The following SLC22A14 variants were observed in gnomAD, a reference collection of about 807,000 sequenced individuals.
SLC22A14 encodes solute carrier family 22 member 14, also known as organic cation transporter-like 4.
SLC22A14 carries 50 observed loss-of-function variants against 53.9 expected under a neutral mutation model. That is an observed-to-expected ratio of 0.93 (90% confidence interval 0.74 to 1.17). The LOEUF (loss-of-function observed/expected upper bound fraction) is 1.17. Ranked by LOEUF, SLC22A14 falls within the 50% of genes most tolerant of loss-of-function variation. SLC22A14 has a pLI of 0.00. For synonymous variants in SLC22A14, 312 were observed against 303.0 expected (o/e 1.03, Z -0.31); for missense variants, 671 against 734.7 (o/e 0.91, Z 1.00).
chr3:38,301,628 C>G (rs1704160849), intron 1 of SLC22A14, among the ~76,000 whole-genome samples: 1 of 152,076 alleles, frequency 6.6e-6, no homozygotes, highest in East Asian at 1.9e-4. Flanking sequence ...TCTTTAATTT[C>G]TCTTTCTTAT....
rs535209099 is a variant in SLC22A14, at chr3:38,314,001, C to T, written c.1378+60C>T. 2.1e-3 allele frequency: 3,130 copies of T among 1,462,646 alleles called. 9 individuals carry two copies. The highest frequency in any genetic ancestry group is 2.5e-3 in the Non-Finnish European group (2,591 of 1,050,334). The allele number at this position is 1,462,646 out of a possible 1,614,324, so 90.6% of individuals were successfully genotyped here. ...GCCTTCCTGCTTCCCAAAACCCCTC[C>T]CCAGTGCCGCCTGCCACGGCCGGCC... On this transcript the variant is annotated intron_variant, in intron 8 of 10. Transcript: ENST00000448498.
intron 1 of SLC22A14, among the ~76,000 whole-genome samples, chr3:38,293,273 C>G (rs1306382491): frequency 1.3e-5 from 2 of 152,182 alleles, no homozygotes; most frequent in Non-Finnish European, 2.9e-5. Flanking sequence ...ACACTGGAAG[C>G]AAGCCTTATT....
chr3:38,314,771 C>A (rs1194732576), intron 8 of SLC22A14, among the ~76,000 whole-genome samples: 3 of 151,766 alleles, frequency 2.0e-5, no homozygotes, highest in Admixed American at 2.0e-4. Context: ...AATGTGGAAA[C>A]AAATTCATTA....
At chr3:38,301,129 T>C (rs1704151254) in intron 1 of SLC22A14, among the ~76,000 whole-genome samples, 2 of 152,146 alleles carry the variant, frequency 1.3e-5, no homozygotes, top group African/African-American at 2.4e-5. Context: ...TCAAACACTC[T>C]TAATGGTAGC....
chr3:38,310,457 A>T (rs1300826995), intron 5 of SLC22A14, among the ~76,000 whole-genome samples: 1 of 152,138 alleles, frequency 6.6e-6, no homozygotes, highest in African/African-American at 2.4e-5. Context: ...CTCGCTCAGG[A>T]TAGTGGCCAA....
rs530909940 is a variant in SLC22A14, at chr3:38,301,172, G to A, written c.1-4855G>A. On this transcript the variant is annotated intron_variant, in intron 1 of 10. Transcript: ENST00000448498. ...ACACTCCAAAAGTTCAATTCCAGAA[G>A]CCAGCCAAAGACTAATCACTCAAGC... Among the ~76,000 whole-genome samples, 6 of 152,278 alleles carry A rather than the reference G, an allele frequency of 3.9e-5. No individual in the cohort carries two copies. The East Asian group carries it at 1.2e-3, about 29-fold the overall frequency.
upstream of SLC22A14, among the ~76,000 whole-genome samples, chr3:38,281,334 G>A (rs1229004843): frequency 6.6e-6 from 1 of 151,984 alleles, no homozygotes; most frequent in African/African-American, 2.4e-5. Flanking sequence ...AAGTGTCTGT[G>A]TTAGTCCATT....
At chr3:38,282,081 G>A (rs553296674), upstream of SLC22A14, among the ~76,000 whole-genome samples, 2 of 152,342 alleles carry the variant, frequency 1.3e-5, no homozygotes, top group East Asian at 1.9e-4. Context: ...GAGAATTTCC[G>A]AGAGTGGAGG....
At chr3:38,286,631 G>A (rs922603280) in intron 1 of SLC22A14, among the ~76,000 whole-genome samples, 3 of 151,950 alleles carry the variant, frequency 2.0e-5, no homozygotes, top group South Asian at 2.1e-4. Flanking sequence ...GTCTGGTGTC[G>A]AACTCCTGAC....
In SLC22A14 at chr3:38,306,465, T is replaced by C; in HGVS notation, c.439T>C (p.Phe147Leu). The stretch of plus-strand genomic sequence containing the variant: ...TTGGAATCTGGATTCTATCATCCAG[T>C]TTGGCCTCAATGACACAGACACATG... ...VPWNLDSIIQ[F>L]GLNDTDTCQD... Residue 147 changes from phenylalanine to leucine, a missense_variant, in exon 2 of 11, where the codon TTT becomes CTT. Phe to Leu is a conservative substitution (Grantham distance 22). Transcript: ENST00000448498. 6.2e-7 allele frequency: 1 copy of C among 1,614,166 alleles called. No individual in the cohort carries two copies. The highest frequency in any genetic ancestry group is 8.5e-7 in the Non-Finnish European group (1 of 1,180,002).
At chr3:38,306,840 C>T (rs765561765) in intron 2 of SLC22A14, among the ~76,000 whole-genome samples, 17 of 152,264 alleles carry the variant, frequency 1.1e-4, no homozygotes, top group South Asian at 2.1e-4. Flanking sequence ...AAATAGGGCT[C>T]GGGGAAAGAA....
At chr3:38,304,674 T>C (rs956943176) in intron 1 of SLC22A14, among the ~76,000 whole-genome samples, 1 of 152,154 alleles carries the variant, frequency 6.6e-6, no homozygotes, top group Admixed American at 6.6e-5. Context: ...CTGCTGAGGC[T>C]CTTCATTAGT....
intron 1 of SLC22A14, among the ~76,000 whole-genome samples, chr3:38,293,467 G>A (rs1703957662): frequency 6.6e-6 from 1 of 152,102 alleles, no homozygotes; most frequent in Non-Finnish European, 1.5e-5. Flanking sequence ...TTTGCTCCGG[G>A]CCTAAGGCAG....
At chr3:38,284,691 A>G (rs961767752) in intron 1 of SLC22A14, among the ~76,000 whole-genome samples, 9 of 152,114 alleles carry the variant, frequency 5.9e-5, no homozygotes, top group African/African-American at 2.2e-4. Flanking sequence ...GTGAGAATAC[A>G]TGGAAGAATG....
Position 38,307,818 on chromosome 3 carries a change from T to C in SLC22A14, c.775+98T>C. 16 of 1,356,874 alleles carry C rather than the reference T, an allele frequency of 1.2e-5. No individual in the cohort carries two copies. The highest frequency in any genetic ancestry group is 1.6e-5 in the Non-Finnish European group (16 of 971,972). The allele number at this position is 1,356,874 out of a possible 1,614,324, so 84.1% of individuals were successfully genotyped here. A position where few individuals can be genotyped will look rare whatever the true frequency, so the allele number is the denominator to read the frequency against. On this transcript the variant is annotated intron_variant, in intron 4 of 10. Coordinates refer to ENST00000448498, the MANE Select transcript of SLC22A14 (RefSeq NM_001320033.2). This position sits in a 1 kb window ranked among gnomAD's most constrained non-coding sequence, Gnocchi z 4.4. Reference sequence around the variant, plus strand: ...CATAGTGGCAGGGGGCGTGGCGGCATAGGCAGATGGCAAGGGGGCGTGGTG... The same window carrying C: ...CATAGTGGCAGGGGGCGTGGCGGCACAGGCAGATGGCAAGGGGGCGTGGTG...
chr3:38,279,449 A>G (rs1163011867), upstream of SLC22A14, among the ~76,000 whole-genome samples: 1 of 152,112 alleles, frequency 6.6e-6, no homozygotes, highest in African/African-American at 2.4e-5. Flanking sequence ...AGACTGGCTA[A>G]TTTTTGTATT....
intron 8 of SLC22A14, among the ~76,000 whole-genome samples, chr3:38,314,799 G>T (rs1427625575): frequency 6.6e-6 from 1 of 152,142 alleles, no homozygotes; most frequent in Non-Finnish European, 1.5e-5. Context: ...TTAATTGCCT[G>T]GTGGTTTTTA....
In SLC22A14 at chr3:38,318,339, A is replaced by C; in HGVS notation, c.*90A>C. On this transcript the variant is annotated 3_prime_UTR_variant, in exon 11 of 11. Transcript: ENST00000448498. ...AACCCTGCCTTGAAGCAATTCAATA[A>C]AGAGGAAGCAAACAGCCAGGCTCCC... 7.9e-7 allele frequency: 1 copy of C among 1,262,506 alleles called. No homozygotes were observed. Among genetic ancestry groups the C allele is most frequent in the Non-Finnish European group, 1.2e-6 (1 of 861,568 alleles). 78.2% of individuals were successfully genotyped at this position (1,262,506 alleles called of 1,614,324 possible).
intron 1 of SLC22A14, among the ~76,000 whole-genome samples, chr3:38,288,557 C>T (rs1195359771): frequency 6.6e-6 from 1 of 152,110 alleles, no homozygotes; most frequent in Non-Finnish European, 1.5e-5. Context: ...CAAAAGGGTT[C>T]GAATTTCTCC....
Sources: allele counts gnomAD v4.1 joint callset (sites outside exome capture counted in the v4.1 genomes callset), GRCh38; gene constraint gnomAD v4.1.1; non-coding constraint Gnocchi (gnomAD v3.1); transcripts MANE v1.5; gene names NCBI Gene and HGNC (gene_info 2026-07-23, HGNC 2026-07-21).